Variants in AUTS2 observed in about 807,000 individuals in gnomAD.
AUTS2 encodes the protein autism susceptibility gene 2 protein.
Under a neutral mutation model 112.4 loss-of-function variants are expected in AUTS2, and 17 were observed. That is an observed-to-expected ratio of 0.15 (90% CI 0.10 to 0.23). The LOEUF (loss-of-function observed/expected upper bound fraction) is 0.23. Ranked by LOEUF, AUTS2 falls within the 10% of genes least tolerant of loss-of-function variation. The pLI is 1.00. For missense variants in AUTS2, 1,510 were observed against 1,701.6 expected, an observed-to-expected ratio of 0.89 and a Z score of 1.98; for synonymous variants, 751 against 702.7, an observed-to-expected ratio of 1.07 and a Z score of -1.09.
chr7:70,263,474 C>T (rs934505368), intron 4 of AUTS2, among the ~76,000 whole-genome samples: 1 of 152,146 alleles, frequency 6.6e-6, no homozygotes, highest in African/African-American at 2.4e-5. Flanking sequence ...TCTTTTTCTG[C>T]TAGATGCATT....
chr7:70,127,561 A>C (rs1325306895), intron 3 of AUTS2, among the ~76,000 whole-genome samples: 1 of 152,208 alleles, frequency 6.6e-6, no homozygotes, highest in Non-Finnish European at 1.5e-5. Context: ...TTATTTAATG[A>C]CTATATGAAT....
At position 70,056,688 on chromosome 7, in the gene AUTS2, T is replaced by C. The variant is rs536453839; in HGVS notation, c.523-61444T>C. Among the ~76,000 whole-genome samples, 67 of 152,230 alleles carry C rather than the reference T, an allele frequency of 4.4e-4. 1 individual carries two copies. The highest frequency in any genetic ancestry group is 1.4e-3 in the African/African-American group (59 of 41,516). On this transcript the variant is annotated intron_variant, in intron 2 of 18. Transcript: ENST00000342771. ...GCATTGAGGCCCTGAGCATGAAGAA[T>C]GGAGTGTTAAAATGAGCCTTTCAAA...
intron 1 of AUTS2, 86 bp from the exon 2 acceptor site, chr7:69,899,200 C>A: frequency 1.0e-6 from 1 of 983,898 alleles, no homozygotes; most frequent in Non-Finnish European, 1.6e-6. Flanking sequence ...AGTAGTAACA[C>A]CCTTTAGTAT....
At chr7:69,805,676 G>A (rs1269486209) in intron 1 of AUTS2, among the ~76,000 whole-genome samples, 15 of 152,198 alleles carry the variant, frequency 9.9e-5, no homozygotes, top group Admixed American at 9.8e-4. Context: ...GAGGCTGGGA[G>A]TTCTAAAAAT....
chr7:70,747,736 T>G (rs902969400), intron 6 of AUTS2, among the ~76,000 whole-genome samples: 3 of 152,166 alleles, frequency 2.0e-5, no homozygotes, highest in Admixed American at 6.5e-5. Flanking sequence ...TCCGCCCGCC[T>G]CAGCCTCCCC....
chr7:70,758,342 C>T (rs1462964947), intron 6 of AUTS2, among the ~76,000 whole-genome samples: 1 of 152,110 alleles, frequency 6.6e-6, no homozygotes, highest in Non-Finnish European at 1.5e-5. Flanking sequence ...ACCAAGGGAA[C>T]TCCATTTGTT....
At position 70,378,576 on chromosome 7, in the gene AUTS2, G is replaced by T. The variant is rs528425123; in HGVS notation, c.661-57176G>T. Among the ~76,000 whole-genome samples the T allele has an allele frequency of 5.1e-4, 77 of 152,316 alleles. 1 individual carries two copies. The highest frequency in any genetic ancestry group is 5.1e-4 in the Non-Finnish European group (35 of 68,026). ...AGAAAAGGAAATAAAGGCTTAGAGA[G>T]GTTGAGAAACTTGCTTAAGTTCACA... is the stretch of plus-strand genomic sequence containing the variant. On this transcript the variant is annotated intron_variant, in intron 4 of 18. Transcript: ENST00000342771.
chr7:69,981,293 A>G (rs755695758), intron 2 of AUTS2, among the ~76,000 whole-genome samples: 4 of 152,226 alleles, frequency 2.6e-5, no homozygotes, highest in East Asian at 1.9e-4. Flanking sequence ...CAGTTGATCT[A>G]GCTGGTCAGT....
intron 1 of AUTS2, among the ~76,000 whole-genome samples, chr7:69,684,847 A>G (rs1049174260): frequency 4.6e-5 from 7 of 152,172 alleles, no homozygotes; most frequent in African/African-American, 1.7e-4. Flanking sequence ...TAAAAGGATA[A>G]AGTGAGTTGT....
At chr7:69,990,511 G>C (rs556324102) in intron 2 of AUTS2, among the ~76,000 whole-genome samples, 1 of 152,164 alleles carries the variant, frequency 6.6e-6, no homozygotes, top group Non-Finnish European at 1.5e-5. Context: ...CTACTAAGAG[G>C]TGTGCGTGTG....
intron 2 of AUTS2, among the ~76,000 whole-genome samples, chr7:70,007,296 G>C (rs1208328472): frequency 6.6e-6 from 1 of 152,112 alleles, no homozygotes; most frequent in Non-Finnish European, 1.5e-5. Context: ...AAGTATAAAA[G>C]TAACATACTC....
chr7:70,132,111 T>C (rs1475992754), intron 3 of AUTS2, among the ~76,000 whole-genome samples: 2 of 148,246 alleles, frequency 1.3e-5, no homozygotes, highest in Admixed American at 1.4e-4. Context: ...TTTCTACACA[T>C]GTGTTTTCTG....
chr7:70,605,028 T>A (rs1355482655), intron 5 of AUTS2, among the ~76,000 whole-genome samples: 1 of 152,360 alleles, frequency 6.6e-6, no homozygotes, highest in East Asian at 1.9e-4. Context: ...AATCTTTTCT[T>A]GTGGTAATGT....
intron 1 of AUTS2, chr7:69,643,232 T>C (rs141500646): frequency 6.6e-6 from 1 of 152,264 alleles, no homozygotes; most frequent in Non-Finnish European, 1.5e-5. Context: ...TGCAGTCTTT[T>C]GGAATGTAAT....
At chr7:70,511,046 G>A (rs978364425) in intron 5 of AUTS2, among the ~76,000 whole-genome samples, 5 of 151,862 alleles carry the variant, frequency 3.3e-5, no homozygotes, top group Admixed American at 6.6e-5. Context: ...ACGAGGTTTC[G>A]CCATGTTGGT....
At chr7:70,277,566 A>G (rs993579969) in intron 4 of AUTS2, among the ~76,000 whole-genome samples, 25 of 152,214 alleles carry the variant, frequency 1.6e-4, no homozygotes, top group African/African-American at 5.3e-4. Context: ...GCATGGTCAC[A>G]TCATTGCTTG....
At chr7:70,297,266 A>C (rs1302790545) in intron 4 of AUTS2, among the ~76,000 whole-genome samples, 1 of 152,012 alleles carries the variant, frequency 6.6e-6, no homozygotes, top group Non-Finnish European at 1.5e-5. Flanking sequence ...CTCTGTGGTC[A>C]AATGTAGTCA....
chr7:69,931,720 C>T (rs1796234734), intron 2 of AUTS2, among the ~76,000 whole-genome samples: 1 of 152,086 alleles, frequency 6.6e-6, no homozygotes, highest in African/African-American at 2.4e-5. Context: ...CTGCTTTTCC[C>T]CATCTGCACT....
At chr7:69,830,817 T>C (rs1791467671) in intron 1 of AUTS2, among the ~76,000 whole-genome samples, 1 of 152,330 alleles carries the variant, frequency 6.6e-6, no homozygotes, top group South Asian at 2.1e-4. Context: ...GAATTTAGAA[T>C]TGTAGATCAC....
Sources: allele counts gnomAD v4.1 joint callset (sites outside exome capture counted in the v4.1 genomes callset), GRCh38; gene constraint gnomAD v4.1.1; transcripts MANE v1.5; gene names NCBI Gene and HGNC (gene_info 2026-07-23, HGNC 2026-07-21).